MED13L: variants seen among roughly 807,000 people sequenced by gnomAD.
MED13L encodes the protein mediator of RNA polymerase II transcription subunit 13-like.
MED13L carries 7 observed loss-of-function variants against 220.9 expected under a neutral mutation model. That is an observed-to-expected ratio of 0.03 (90% confidence interval 0.02 to 0.06). The LOEUF is 0.06. Ranked by LOEUF, MED13L falls within the 10% of genes least tolerant of loss-of-function variation. The pLI is 1.00. For synonymous variants in MED13L, 1,011 were observed against 1,015.2 expected (o/e 1.00, Z 0.08); for missense variants, 1,965 against 2,760.5 (o/e 0.71, Z 6.46).
At chr12:116,185,872 T>C (rs1227569735) in intron 2 of MED13L, among the ~76,000 whole-genome samples, 1 of 152,128 alleles carries the variant, frequency 6.6e-6, no homozygotes, top group African/African-American at 2.4e-5. Context: ...TTGTTTGTAT[T>C]TTTGGTAGAC....
chr12:116,029,326 AAAAAAATTGAAACTTAT>A (rs1157370987), intron 4 of MED13L, among the ~76,000 whole-genome samples: 3 of 151,470 alleles, frequency 2.0e-5, no homozygotes, highest in Non-Finnish European at 4.4e-5. Flanking sequence ...AAAAACCATT[AAAAAAATTGAAACTTAT>A]AAGTGCAAAG....
intron 3 of MED13L, among the ~76,000 whole-genome samples, chr12:116,101,888 C>T (rs985053597): frequency 1.5e-4 from 23 of 152,180 alleles, no homozygotes; most frequent in Admixed American, 1.4e-3. Context: ...GACTATATAT[C>T]AATTAACCTT....
chr12:116,236,000 T>C (rs1187215392), intron 2 of MED13L, among the ~76,000 whole-genome samples: 7 of 152,036 alleles, frequency 4.6e-5, no homozygotes, highest in African/African-American at 1.4e-4. Context: ...CTCTACTACA[T>C]AGGGAAAAAA....
chr12:116,276,902 C>A (rs1033290350), intron 1 of MED13L, 158 bp downstream of exon 1: 1 of 987,076 alleles, frequency 1.0e-6, no homozygotes, highest in Non-Finnish European at 1.5e-6. Context: ...GAGAGAGAGA[C>A]GATCCAAAAG....
chr12:116,255,442 A>G (rs576235826), intron 1 of MED13L, among the ~76,000 whole-genome samples: 28 of 152,356 alleles, frequency 1.8e-4, no homozygotes, highest in African/African-American at 6.3e-4. Context: ...GGAAGAAATC[A>G]TAAGAAAAAA....
intron 19 of MED13L, among the ~76,000 whole-genome samples, chr12:115,985,595 T>C (rs979349729): frequency 2.0e-5 from 3 of 152,232 alleles, no homozygotes; most frequent in African/African-American, 7.2e-5. Flanking sequence ...AAGAACTTAG[T>C]GCATATATAC....
chr12:116,139,970 CAA>C (rs36124478), intron 2 of MED13L, among the ~76,000 whole-genome samples: 11 of 63,868 alleles, frequency 1.7e-4, no homozygotes, highest in African/African-American at 2.6e-4. Flanking sequence ...AACTCCATCT[CAA>C]AAAAAAAAAA....
chr12:116,006,268 G>C (rs764482692), intron 12 of MED13L, 38 bp downstream of exon 12: 1 of 1,557,608 alleles, frequency 6.4e-7, no homozygotes, highest in African/African-American at 1.4e-5. Flanking sequence ...TTTCATTTTA[G>C]CAACAATCCA....
chr12:116,197,634 C>T (rs920560782), intron 2 of MED13L, among the ~76,000 whole-genome samples: 54 of 152,074 alleles, frequency 3.6e-4, no homozygotes, highest in Admixed American at 2.2e-3. Flanking sequence ...GACATGGTGG[C>T]GCATGCCTAT....
intron 4 of MED13L, among the ~76,000 whole-genome samples, chr12:116,031,710 GAAAAGAAAAGAAAAGAAAA>G (rs1880787309): frequency 2.7e-5 from 1 of 36,772 alleles, no homozygotes. Context: ...GAAAAGAAAA[GAAAAGAAAAGAAAAGAAAA>G]GAAAAGAAAA....
At chr12:115,992,340 A>G (rs1158792316) in intron 16 of MED13L, among the ~76,000 whole-genome samples, 1 of 152,234 alleles carries the variant, frequency 6.6e-6, no homozygotes, top group East Asian at 1.9e-4. Flanking sequence ...TGCAGACACT[A>G]AATTAGCTAG....
intron 1 of MED13L, chr12:116,276,513 G>C (rs1222787706): frequency 7.8e-7 from 1 of 1,284,508 alleles, no homozygotes; most frequent in South Asian, 1.2e-5. Context: ...GTTTACAATC[G>C]CGGGAGCTTC....
intron 4 of MED13L, among the ~76,000 whole-genome samples, chr12:116,053,792 C>T (rs1023229990): frequency 4.6e-5 from 7 of 152,134 alleles, no homozygotes; most frequent in African/African-American, 1.7e-4. Flanking sequence ...GGTTATAGTT[C>T]AGTAACCATT....
chr12:115,963,876 TTTCA>T (rs774117564), intron 29 of MED13L, among the ~76,000 whole-genome samples: 1 of 152,140 alleles, frequency 6.6e-6, no homozygotes, highest in Non-Finnish European at 1.5e-5. Context: ...ACTTTTCTGT[TTTCA>T]TTTTCTTTTT....
chr12:116,106,885 G>A (rs1173232660), intron 3 of MED13L, among the ~76,000 whole-genome samples: 1 of 151,788 alleles, frequency 6.6e-6, no homozygotes, highest in East Asian at 1.9e-4. Context: ...ATTATAGAAA[G>A]GGATTCCATG....
intron 2 of MED13L, among the ~76,000 whole-genome samples, chr12:116,135,090 G>T (rs1565894175): frequency 6.6e-6 from 1 of 152,122 alleles, no homozygotes. Flanking sequence ...AATCACTTGA[G>T]CCTGGGAGGC....
chr12:116,123,692 T>C (rs1295946232), intron 2 of MED13L, among the ~76,000 whole-genome samples: 4 of 152,274 alleles, frequency 2.6e-5, no homozygotes, highest in South Asian at 2.1e-4. Flanking sequence ...TGAGTAATCC[T>C]TGCAGCTGTA....
intron 4 of MED13L, among the ~76,000 whole-genome samples, chr12:116,052,060 T>C (rs1868550789): frequency 6.9e-6 from 1 of 145,314 alleles, no homozygotes; most frequent in Non-Finnish European, 1.5e-5. Context: ...ATGTTTATTA[T>C]GTACTTACCT....
chr12:116,143,587 C>G (rs1877261370), intron 2 of MED13L, among the ~76,000 whole-genome samples: 1 of 152,156 alleles, frequency 6.6e-6, no homozygotes, highest in Admixed American at 6.5e-5. Flanking sequence ...ATTTATACTT[C>G]CTCTCAGAGC....
Sources: allele counts gnomAD v4.1 joint callset (sites outside exome capture counted in the v4.1 genomes callset), GRCh38; gene constraint gnomAD v4.1.1; transcripts MANE v1.5; gene names NCBI Gene and HGNC (gene_info 2026-07-23, HGNC 2026-07-21).